MELTF: variants seen among roughly 807,000 people sequenced by gnomAD.
MELTF encodes melanotransferrin, also known as antigen p97 (melanoma associated) identified by monoclonal antibodies 133.2 and 96.5.
MELTF carries 67 observed loss-of-function variants against 83.7 expected under a neutral mutation model. The observed-to-expected ratio is 0.80, with a 90% confidence interval of 0.66 to 0.98. The LOEUF is 0.98. MELTF is among the 50% of genes least tolerant of loss of function. The pLI is 0.00. For synonymous variants in MELTF, 462 were observed against 447.6 expected, an observed-to-expected ratio of 1.03 and a Z score of -0.41; for missense variants, 1,002 against 1,035.6, an observed-to-expected ratio of 0.97 and a Z score of 0.44.
At position 197,022,497 on chromosome 3, in the gene MELTF, A is replaced by G. The variant is rs1237897889; in HGVS notation, c.644+460T>C. On this transcript the variant is annotated intron_variant, in intron 5 of 15. Coordinates refer to ENST00000296350, the MANE Select transcript of MELTF (RefSeq NM_005929.6). This position sits in a 1 kb window ranked among gnomAD's most constrained non-coding sequence, Gnocchi z 5.1. ...AGCTTCCTTTCCAATCCTGCTGAGC[A>G]CATTTCCTCCTCTGCAGGCAGATGG... 6.6e-6 allele frequency among the ~76,000 whole-genome samples: 1 copy of G among 152,162 alleles called. No individual in the cohort carries two copies. The highest frequency in any genetic ancestry group is 2.4e-5 in the African/African-American group (1 of 41,422).
At chr3:197,019,407 AC>A in intron 6 of MELTF, 1 of 1,329,136 alleles carries the variant, frequency 7.5e-7, no homozygotes, top group Non-Finnish European at 9.6e-7. Context: ...GTATAAAGTC[AC>A]TTAAAAAATG....
Position 197,008,366 on chromosome 3 carries a change from G to T in MELTF, c.1750+291C>A, listed in dbSNP as rs1051342846. 6.6e-6 allele frequency among the ~76,000 whole-genome samples: 1 copy of T among 152,150 alleles called. No individual in the cohort carries two copies. The highest frequency in any genetic ancestry group is 2.4e-5 in the African/African-American group (1 of 41,422). On this transcript the variant is annotated intron_variant, in intron 13 of 15. Transcript: ENST00000296350. This position sits in a 1 kb window ranked among gnomAD's most constrained non-coding sequence, Gnocchi z 5.4. ...GGCACTACATCAATACTCCCAGAAGGGGGTCTTTCCAGATTGACTGGGATT... is the reference window on the plus strand; with the variant it reads ...GGCACTACATCAATACTCCCAGAAGTGGGTCTTTCCAGATTGACTGGGATT...
chr3:197,015,761 C>T (rs1333103686), intron 8 of MELTF, among the ~76,000 whole-genome samples: 1 of 152,152 alleles, frequency 6.6e-6, no homozygotes, highest in Non-Finnish European at 1.5e-5. Context: ...GTGGAAGATA[C>T]ATGGGGCCAG....
chr3:197,015,864 C>T lies in MELTF; in HGVS notation c.1081+325G>A, dbSNP rs184018770. Among the ~76,000 whole-genome samples the T allele has an allele frequency of 2.0e-3, 297 of 152,192 alleles. 1 individual carries two copies. Among genetic ancestry groups the T allele is most frequent in the African/African-American group, 6.6e-3 (276 of 41,528 alleles). On this transcript the variant is annotated intron_variant, in intron 8 of 15. Transcript: ENST00000296350. The stretch of plus-strand genomic sequence containing the variant: ...CAGGGCTGTAGCCATGGGGTAGAGG[C>T]GGGGAGTAGGAGCGAGAGGCTGTAG...
chr3:197,015,285 G>A lies in MELTF; in HGVS notation c.1233+80C>T, dbSNP rs1398722924. On this transcript the variant is annotated intron_variant, in intron 9 of 15. Coordinates refer to ENST00000296350, the MANE Select transcript of MELTF (RefSeq NM_005929.6). ...ACACTCTCCTCTTCCCCAGGCAGCA[G>A]GGGGTGTGGGTAGTAAGAACTGCCC... 3.5e-6 allele frequency: 5 copies of A among 1,437,418 alleles called. No individual in the cohort carries two copies. The Admixed American group carries it at 1.0e-4, about 30-fold the overall frequency. The allele number at this position is 1,437,418 out of a possible 1,614,324, so 89.0% of individuals were successfully genotyped here. A position where few individuals can be genotyped will look rare whatever the true frequency, so the allele number is the denominator to read the frequency against.
At chr3:197,019,793 A>G (rs199524449) in intron 6 of MELTF, 335 of 1,574,660 alleles carry the variant, frequency 2.1e-4, no homozygotes, top group Non-Finnish European at 2.7e-4. Flanking sequence ...TGCCTTCGTG[A>G]TGGACTTTCT....
chr3:197,027,866 C>G lies in MELTF; in HGVS notation c.94G>C (p.Glu32Gln), dbSNP rs374546725. Residue 32 changes from glutamate (E) to glutamine (Q), a missense_variant, in exon 2 of 16, where the codon GAG becomes CAG. Transcript: ENST00000296350. ...EVRWCATSDP[E>Q]QHKCGNMSEA... is the part of the protein sequence containing the mutation. ...CTCATGTTGCCGCACTTGTGCTGCT[C>G]TGGGTCCGAGGTGGCGCACCACCGC... The G allele has an allele frequency of 2.5e-6, 4 of 1,609,396 alleles. No individual in the cohort carries two copies. Among genetic ancestry groups the G allele is most frequent in the Non-Finnish European group, 3.4e-6 (4 of 1,178,814 alleles).
chr3:197,018,442 C>T (rs910837993), intron 6 of MELTF, among the ~76,000 whole-genome samples: 1 of 143,178 alleles, frequency 7.0e-6, no homozygotes, highest in South Asian at 2.3e-4. Flanking sequence ...TGAGCCTCCA[C>T]ACCTGGCCTT....
Position 197,008,972 on chromosome 3 carries a change from TGGAG to T in MELTF, c.1526-11_1526-8del, listed in dbSNP as rs1292072474. 2 of 1,613,020 alleles carry T rather than the reference TGGAG, an allele frequency of 1.2e-6. No individual in the cohort carries two copies. The highest frequency in any genetic ancestry group is 2.2e-5 in the South Asian group (2 of 91,050). On this transcript the variant is annotated splice_region_variant and splice_polypyrimidine_tract_variant and intron_variant, in intron 11 of 15. Coordinates refer to ENST00000296350, the MANE Select transcript of MELTF (RefSeq NM_005929.6). The surrounding 1 kb of genome is among the most constrained non-coding windows in gnomAD (Gnocchi z 5.4). ...TTGAAGAACTCGCTCACTGCTGGGG[TGGAG>T]GGAAGGGCAATGATGAGGGGCCAGC...
Position 197,019,057 on chromosome 3 carries a change from T to C in MELTF, c.713-1767A>G, listed in dbSNP as rs188220870. 2.1e-4 allele frequency: 206 copies of C among 985,516 alleles called. 3 individuals carry two copies. In the South Asian group the frequency reaches 8.7e-3, roughly 42 times the overall value. 61.0% of individuals were successfully genotyped at this position (985,516 alleles called of 1,614,324 possible). On this transcript the variant is annotated intron_variant, in intron 6 of 15. Transcript: ENST00000296350. ...TTTGTATGGTCATGAAAGCTTTCAC[T>C]GCAAAGCTATTTTAAAACAAAACCA...
At chr3:197,005,889 C>CTCCATCCTTAAG (rs1718956783) in intron 14 of MELTF, among the ~76,000 whole-genome samples, 17 of 91,564 alleles carry the variant, frequency 1.9e-4, no homozygotes, top group African/African-American at 8.5e-4. Context: ...TTGTTAACTC[C>CTCCATCCTTAAG]AGAGCAGACC....
At chr3:197,010,860 T>TG in intron 9 of MELTF, 66 bp from the exon 10 acceptor site, 1 of 1,442,542 alleles carries the variant, frequency 6.9e-7, no homozygotes. Flanking sequence ...GTCGGGGTCC[T>TG]GTGGAGGTGG....
Position 197,019,476 on chromosome 3 carries a change from G to A in MELTF, c.712+1928C>T, listed in dbSNP as rs1577939965. On this transcript the variant is annotated intron_variant, in intron 6 of 15. Transcript: ENST00000296350. ...ACTTTGAAAAAGCTGCCAGGTGCAC[G>A]CCTGTCATCCCAGCTACTCAGGAGG... is the stretch of plus-strand genomic sequence containing the variant. 10 of 1,465,194 alleles carry A rather than the reference G, an allele frequency of 6.8e-6. No homozygotes were observed. The East Asian group carries it at 6.9e-5, about 10-fold the overall frequency. 90.8% of individuals were successfully genotyped at this position (1,465,194 alleles called of 1,614,324 possible).
At chr3:197,019,563 C>G in intron 6 of MELTF, 1 of 1,573,638 alleles carries the variant, frequency 6.4e-7, no homozygotes, top group Non-Finnish European at 8.7e-7. Context: ...CATGGTGAGA[C>G]CCCCATCTCA....
In MELTF at chr3:197,002,088, C is replaced by T. The variant is rs999767406; in HGVS notation, c.*1284G>A. 6.6e-6 allele frequency: 1 copy of T among 152,284 alleles called. No individual in the cohort carries two copies. The highest frequency in any genetic ancestry group is 1.5e-5 in the Non-Finnish European group (1 of 68,100). 9.4% of individuals were successfully genotyped at this position (152,284 alleles called of 1,614,324 possible). On this transcript the variant is annotated 3_prime_UTR_variant, in exon 16 of 16. Coordinates refer to ENST00000296350, the MANE Select transcript of MELTF (RefSeq NM_005929.6). ...CCCCTCCCGGTGGGGTGAAGGTGCC[C>T]GGGACTCCTCGGGGTTGCATGGCTA...
chr3:197,024,316 G>C lies in MELTF; in HGVS notation c.474C>G (p.Cys158Trp). The C allele has an allele frequency of 6.3e-7, 1 of 1,575,702 alleles. No homozygotes were observed. The highest frequency in any genetic ancestry group is 1.4e-5 in the African/African-American group (1 of 74,006). Residue 158 changes from cysteine to tryptophan, a missense_variant, in exon 4 of 16, where the codon TGC (cysteine) becomes TGG (tryptophan). Physicochemically the swap from Cys to Trp is radical, Grantham distance 215 (BLOSUM62 -2). Coordinates refer to ENST00000296350, the MANE Select transcript of MELTF (RefSeq NM_005929.6). This position sits in a 1 kb window ranked among gnomAD's most constrained non-coding sequence, Gnocchi z 5.3. ...CAAAGCCCTCACCTTTGAGTACATC[G>C]CAGCCCATCACCGAGAGGCGGCCGC... ...VESGRLSVMGCDVLKAVSDYF... is the reference protein window; with the variant it reads ...VESGRLSVMGWDVLKAVSDYF...
chr3:197,020,367 G>T (rs1719570265), intron 6 of MELTF, among the ~76,000 whole-genome samples: 1 of 152,126 alleles, frequency 6.6e-6, no homozygotes, highest in African/African-American at 2.4e-5. Flanking sequence ...TATCAAAGTT[G>T]CGTGTCCTGA....
Position 197,011,106 on chromosome 3 carries a change from C to T in MELTF, c.1234-312G>A, listed in dbSNP as rs1719173088. Among the ~76,000 whole-genome samples the T allele has an allele frequency of 2.0e-5, 3 of 152,250 alleles. No homozygotes were observed. The South Asian group carries it at 6.2e-4, about 31-fold the overall frequency. ...AGCAAGCGCGATCCCTACCCTCATG[C>T]TTGGCGTGGGCCTCCCTGTGCCCTG... On this transcript the variant is annotated intron_variant, in intron 9 of 15. Transcript: ENST00000296350. The surrounding 1 kb of genome is among the most constrained non-coding windows in gnomAD (Gnocchi z 4.2).
Position 197,004,110 on chromosome 3 carries a change from C to A in MELTF, c.1939-11G>T, listed in dbSNP as rs377676889. 1 of 1,613,868 alleles carries A rather than the reference C, an allele frequency of 6.2e-7. No individual in the cohort carries two copies. Among genetic ancestry groups the A allele is most frequent in the Non-Finnish European group, 8.5e-7 (1 of 1,179,858 alleles). ...GTCTCCAAACAGGTCCTGGAAGCACCGCAGGCAGACGACCTGCTCCTCACT... is the reference window on the plus strand; with the variant it reads ...GTCTCCAAACAGGTCCTGGAAGCACAGCAGGCAGACGACCTGCTCCTCACT... On this transcript the variant is annotated splice_polypyrimidine_tract_variant and intron_variant, in intron 14 of 15. Coordinates refer to ENST00000296350, the MANE Select transcript of MELTF (RefSeq NM_005929.6).
Sources: allele counts gnomAD v4.1 joint callset (sites outside exome capture counted in the v4.1 genomes callset), GRCh38; gene constraint gnomAD v4.1.1; non-coding constraint Gnocchi (gnomAD v3.1); transcripts MANE v1.5; gene names NCBI Gene and HGNC (gene_info 2026-07-23, HGNC 2026-07-21).